The following PCDHA1 variants were observed in gnomAD, a reference collection of about 807,000 sequenced individuals.
PCDHA1 encodes protocadherin alpha-1.
A neutral mutation model predicts 61.3 loss-of-function variants in PCDHA1; 42 were observed. The observed-to-expected ratio is 0.69, with a 90% CI of 0.54 to 0.89. The LOEUF is 0.89. Among genes scored for constraint, PCDHA1 ranks in the 40% least tolerant of loss-of-function variants. The pLI is 0.00. For synonymous variants in PCDHA1, 610 were observed against 553.8 expected (o/e 1.10, Z -1.43); for missense variants, 1,256 against 1,235.3 (o/e 1.02, Z -0.25).
intron 2 of PCDHA1, among the ~76,000 whole-genome samples, chr5:140,981,152 C>T (rs1340087244): frequency 6.6e-6 from 1 of 152,210 alleles, no homozygotes; most frequent in African/African-American, 2.4e-5. Flanking sequence ...AAACATTGAA[C>T]TTATATGTTG....
At position 140,787,435 on chromosome 5, in the gene PCDHA1, AC is replaced by A; in HGVS notation, c.1146del (p.Asn382LysfsTer4). 6.2e-7 allele frequency: 1 copy of A among 1,614,240 alleles called. No individual in the cohort carries two copies. The highest frequency in any genetic ancestry group is 8.5e-7 in the Non-Finnish European group (1 of 1,180,044). On this transcript the variant is annotated frameshift_variant, in exon 1 of 4. Coordinates refer to ENST00000504120, the MANE Select transcript of PCDHA1 (RefSeq NM_018900.4). LOFTEE classifies it high-confidence loss of function. ...GTGTCTGACCGTGACTCAGGTGCCA[AC>A]GGGCAGGTGACTTGCTCCTTAATGC... ...ITVSDRDSGA[N>X]GQVTCSLMPH...
Position 140,887,790 on chromosome 5 carries a change from T to C in PCDHA1, c.2395-91159T>C, listed in dbSNP as rs564215639. On this transcript the variant is annotated intron_variant, in intron 1 of 3. Coordinates refer to ENST00000504120, the MANE Select transcript of PCDHA1 (RefSeq NM_018900.4). ...ACAATGACACAGGTCATTGAAGCGT[T>C]CTTTATTTTTGTCCATTTCTTTCTC... Among the ~76,000 whole-genome samples, 4 of 152,288 alleles carry C rather than the reference T, an allele frequency of 2.6e-5. No individual in the cohort carries two copies. The East Asian group carries it at 7.7e-4, about 29-fold the overall frequency.
intron 1 of PCDHA1, chr5:140,966,601 T>C: frequency 1.5e-6 from 1 of 652,170 alleles, no homozygotes; most frequent in East Asian, 3.4e-5. Flanking sequence ...CCAGGAGCCC[T>C]TGGGAGGGCC....
intron 1 of PCDHA1, among the ~76,000 whole-genome samples, chr5:140,972,725 G>A (rs985697414): frequency 2.7e-5 from 4 of 146,408 alleles, no homozygotes; most frequent in African/African-American, 7.7e-5. Context: ...GTGCAGTGGC[G>A]TAATCCCGGC....
At chr5:140,807,054 T>G in intron 1 of PCDHA1, 1 of 1,059,756 alleles carries the variant, frequency 9.4e-7, no homozygotes, top group Non-Finnish European at 1.4e-6. Flanking sequence ...CTTCTATTCT[T>G]ACTGGAAGGA....
intron 1 of PCDHA1, chr5:140,796,937 C>A: frequency 6.2e-7 from 1 of 1,613,834 alleles, no homozygotes; most frequent in East Asian, 2.2e-5. Flanking sequence ...GGCGAACCAG[C>A]GTTGACAGCC....
intron 1 of PCDHA1, among the ~76,000 whole-genome samples, chr5:140,935,894 CTTTTTTTT>C (rs55841305): frequency 1.5e-5 from 2 of 136,750 alleles, no homozygotes; most frequent in African/African-American, 5.4e-5. Context: ...TCAATATTAT[CTTTTTTTT>C]TTTTTTTTGA....
At chr5:140,801,784 T>G (rs1230159283) in intron 1 of PCDHA1, 8 of 1,613,786 alleles carry the variant, frequency 5.0e-6, no homozygotes, top group African/African-American at 1.3e-5. Flanking sequence ...GGACTCGTGT[T>G]GAAAAAAAAT....
intron 1 of PCDHA1, among the ~76,000 whole-genome samples, chr5:140,799,355 G>A (rs1460253918): frequency 6.6e-6 from 1 of 151,892 alleles, no homozygotes; most frequent in Non-Finnish European, 1.5e-5. Flanking sequence ...GTTGTCAAAG[G>A]CATCTCATTA....
chr5:140,924,668 GC>G (rs2081945881), intron 1 of PCDHA1, among the ~76,000 whole-genome samples: 1 of 152,142 alleles, frequency 6.6e-6, no homozygotes, highest in Admixed American at 6.5e-5. Context: ...GCCGAGGCAG[GC>G]CAATCACTTG....
intron 1 of PCDHA1, chr5:140,809,676 A>G: frequency 7.2e-7 from 1 of 1,388,146 alleles, no homozygotes; most frequent in Non-Finnish European, 9.7e-7. Context: ...TTAAAATTTT[A>G]CCTCTTTTTA....
At chr5:140,833,837 T>C (rs1469438718) in intron 1 of PCDHA1, among the ~76,000 whole-genome samples, 1 of 152,176 alleles carries the variant, frequency 6.6e-6, no homozygotes, top group African/African-American at 2.4e-5. Context: ...GAGTACAGGA[T>C]TTTTCTTAAC....
At chr5:140,954,948 G>A (rs1163066790) in intron 1 of PCDHA1, among the ~76,000 whole-genome samples, 2 of 152,204 alleles carry the variant, frequency 1.3e-5, no homozygotes, top group Non-Finnish European at 1.5e-5. Flanking sequence ...GTTAATTTTT[G>A]TATAAGATGT....
intron 1 of PCDHA1, chr5:140,966,878 G>A (rs2096064555): frequency 6.3e-7 from 1 of 1,587,174 alleles, no homozygotes; most frequent in African/African-American, 1.3e-5. Flanking sequence ...GCTGCTACCT[G>A]GCCCTGCGGC....
At chr5:140,808,694 G>A in intron 1 of PCDHA1, 1 of 1,612,206 alleles carries the variant, frequency 6.2e-7, no homozygotes, top group Non-Finnish European at 8.5e-7. Context: ...AGGGGAGCGC[G>A]CGCTGTCGAG....
intron 1 of PCDHA1, chr5:140,928,813 C>T: frequency 6.2e-7 from 1 of 1,614,118 alleles, no homozygotes; most frequent in Non-Finnish European, 8.5e-7. Flanking sequence ...GGTTCGGGAC[C>T]ATGGAGACCC....
Position 140,786,226 on chromosome 5 carries a change from T to C in PCDHA1, c.-65T>C. 6.6e-7 allele frequency: 1 copy of C among 1,506,066 alleles called. No individual in the cohort carries two copies. The highest frequency in any genetic ancestry group is 1.3e-5 in the South Asian group (1 of 74,532). 93.3% of individuals were successfully genotyped at this position (1,506,066 alleles called of 1,614,324 possible). On this transcript the variant is annotated 5_prime_UTR_variant, in exon 1 of 4. Coordinates refer to ENST00000504120, the MANE Select transcript of PCDHA1 (RefSeq NM_018900.4). ...CGGTAAAGAGATAAATGATTGGAAA[T>C]ATTAGATAAAATGGCATGATTTTGA...
chr5:140,808,944 G>A (rs782358037), intron 1 of PCDHA1: 23 of 1,613,698 alleles, frequency 1.4e-5, no homozygotes, highest in Non-Finnish European at 8.5e-7. Context: ...TGGTCGGTGG[G>A]TGTGGGCCAC....
rs139245496 is a variant in PCDHA1, at chr5:140,822,899, A to T, written c.2394+34215A>T. ...GTCATTGCTCTGATCAGCGTGTCTGACCGTGACTCAGGTGCCAACGGGCAG... is the reference window on the plus strand; with the variant it reads ...GTCATTGCTCTGATCAGCGTGTCTGTCCGTGACTCAGGTGCCAACGGGCAG... On this transcript the variant is annotated intron_variant, in intron 1 of 3. Transcript: ENST00000504120. The T allele has an allele frequency of 4.7e-4, 756 of 1,614,196 alleles. 1 individual carries two copies. Among genetic ancestry groups the T allele is most frequent in the Admixed American group, 7.3e-4 (44 of 60,034 alleles).
Sources: allele counts gnomAD v4.1 joint callset (sites outside exome capture counted in the v4.1 genomes callset), GRCh38; gene constraint gnomAD v4.1.1; transcripts MANE v1.5; gene names NCBI Gene and HGNC (gene_info 2026-07-23, HGNC 2026-07-21).